Variants in GXYLT2 observed in about 807,000 individuals in gnomAD.
GXYLT2 encodes the protein glucoside xylosyltransferase 2.
Under a neutral mutation model 45.8 loss-of-function variants are expected in GXYLT2, and 53 were observed. The observed-to-expected ratio is 1.16, with a 90% CI of 0.93 to 1.46. The LOEUF (loss-of-function observed/expected upper bound fraction) is 1.46, where lower values mean the gene tolerates loss of function less well. Among genes scored for constraint, GXYLT2 ranks in the 40% most tolerant of loss-of-function variants. GXYLT2 has a pLI of 0.00. For missense variants in GXYLT2, 551 were observed against 544.4 expected (o/e 1.01, Z -0.12); for synonymous variants, 219 against 214.2 (o/e 1.02, Z -0.19).
At chr3:72,969,214 A>G (rs1337843819) in intron 6 of GXYLT2, among the ~76,000 whole-genome samples, 2 of 151,658 alleles carry the variant, frequency 1.3e-5, no homozygotes, top group Non-Finnish European at 2.9e-5. Flanking sequence ...GAAAACTACA[A>G]CATAGTAAGA....
At chr3:72,964,701 G>A (rs1474257654) in intron 5 of GXYLT2, among the ~76,000 whole-genome samples, 1 of 152,200 alleles carries the variant, frequency 6.6e-6, no homozygotes, top group Admixed American at 6.5e-5. Flanking sequence ...CTCCATGAAA[G>A]CAGGGACTGG....
At chr3:72,911,051 C>T (rs1000589821) in intron 2 of GXYLT2, among the ~76,000 whole-genome samples, 2 of 152,004 alleles carry the variant, frequency 1.3e-5, no homozygotes, top group East Asian at 1.9e-4. Flanking sequence ...CAGCACTTTG[C>T]GAAGCTGAGG....
chr3:72,892,889 T>A (rs753279729), intron 1 of GXYLT2, among the ~76,000 whole-genome samples: 1 of 152,140 alleles, frequency 6.6e-6, no homozygotes, highest in Non-Finnish European at 1.5e-5. Flanking sequence ...TCGATCACCC[T>A]CCACACCTAC....
chr3:72,970,492 A>G (rs1258921029), intron 6 of GXYLT2, among the ~76,000 whole-genome samples: 1 of 151,834 alleles, frequency 6.6e-6, no homozygotes, highest in Admixed American at 6.6e-5. Flanking sequence ...AAAACAAATT[A>G]AAAAAAAGAA....
intron 3 of GXYLT2, among the ~76,000 whole-genome samples, chr3:72,929,899 G>A (rs1709995365): frequency 6.6e-6 from 1 of 152,190 alleles, no homozygotes; most frequent in Non-Finnish European, 1.5e-5. Flanking sequence ...CGCTGCAGTG[G>A]CTCATGCCTG....
intron 6 of GXYLT2, among the ~76,000 whole-genome samples, chr3:72,973,968 T>C (rs1010893892): frequency 6.6e-6 from 1 of 152,324 alleles, no homozygotes; most frequent in South Asian, 2.1e-4. Flanking sequence ...GTGTAAGCAG[T>C]ATTTCTGATT....
intron 1 of GXYLT2, among the ~76,000 whole-genome samples, chr3:72,905,976 A>G (rs1709503680): frequency 6.6e-6 from 1 of 152,204 alleles, no homozygotes. Flanking sequence ...GAGGGTATTC[A>G]TATTTAAGAT....
intron 3 of GXYLT2, among the ~76,000 whole-genome samples, chr3:72,951,181 T>A (rs1359814237): frequency 6.7e-6 from 1 of 148,358 alleles, no homozygotes; most frequent in Middle Eastern, 3.5e-3. Flanking sequence ...TGCAATGTTA[T>A]CAAAAAGTGA....
chr3:72,970,401 G>A (rs943696595), intron 6 of GXYLT2, among the ~76,000 whole-genome samples: 1 of 151,266 alleles, frequency 6.6e-6, no homozygotes, highest in South Asian at 2.1e-4. Flanking sequence ...AGAAGCTCAC[G>A]CCTATAATCC....
At chr3:72,912,167 G>A (rs1477413042) in intron 2 of GXYLT2, among the ~76,000 whole-genome samples, 2 of 151,336 alleles carry the variant, frequency 1.3e-5, no homozygotes, top group Admixed American at 6.6e-5. Flanking sequence ...GCGCCACCAC[G>A]CCCGGCTAAT....
chr3:72,904,885 A>AT lies in GXYLT2; in HGVS notation c.276-3482_276-3481insT, dbSNP rs1343458462. ...CATCTCTACTAAAGATACAAAAAAA[A>AT]AAAAAAAAAAAAATTAACCAGGTGT... On this transcript the variant is annotated intron_variant, in intron 1 of 6. Transcript: ENST00000389617. Among the ~76,000 whole-genome samples, 46 of 53,846 alleles carry AT rather than the reference A, an allele frequency of 8.5e-4. 1 individual carries two copies. The East Asian group carries it at 0.015, about 18-fold the overall frequency. The allele number at this position is 53,846 out of a possible 152,430, so 35.3% of individuals were successfully genotyped here. A position where few individuals can be genotyped will look rare whatever the true frequency, so the allele number is the denominator to read the frequency against.
intron 1 of GXYLT2, among the ~76,000 whole-genome samples, chr3:72,905,306 C>T (rs889573417): frequency 4.0e-5 from 6 of 151,888 alleles, no homozygotes; most frequent in Non-Finnish European, 5.9e-5. Flanking sequence ...TTAGTAGAGA[C>T]GAGGTTTCAT....
At chr3:72,891,696 AC>A (rs1278964594) in intron 1 of GXYLT2, among the ~76,000 whole-genome samples, 1 of 152,248 alleles carries the variant, frequency 6.6e-6, no homozygotes, top group Non-Finnish European at 1.5e-5. Flanking sequence ...ATAGTAAAAG[AC>A]ACATATACAA....
Position 72,967,699 on chromosome 3 carries a change from C to T in GXYLT2, c.1129C>T (p.Leu377Phe), listed in dbSNP as rs1374212311. 1.9e-6 allele frequency: 3 copies of T among 1,613,682 alleles called. No homozygotes were observed. The highest frequency in any genetic ancestry group is 2.5e-6 in the Non-Finnish European group (3 of 1,179,758). The change falls in exon 6 of 7, where the codon CTC (leucine) becomes TTC (phenylalanine). Residue 377 changes from leucine to phenylalanine, a missense_variant. By Grantham distance (22) the Leu-to-Phe change is conservative (BLOSUM62 0). Transcript: ENST00000389617. Reference sequence around the variant, plus strand: ...CGATAAGCAACCAACGTTCAGAGCACTCTATGAAGCAATACGGGATGTAAG... The same window carrying T: ...CGATAAGCAACCAACGTTCAGAGCATTCTATGAAGCAATACGGGATGTAAG... ...HDDKQPTFRA[L>F]YEAIRDFPFQ... is the part of the protein sequence containing the mutation.
chr3:72,915,963 CTTG>C (rs2107092639), intron 2 of GXYLT2, among the ~76,000 whole-genome samples: 1 of 152,026 alleles, frequency 6.6e-6, no homozygotes, highest in East Asian at 1.9e-4. Context: ...CTGTGTGGTC[CTTG>C]TTGTCTTACC....
In GXYLT2 at chr3:72,888,309, C is replaced by CGCGCTGGCCGCGCTGAGCCCCCA; in HGVS notation, c.83_105dup (p.Pro36AlafsTer122). The CGCGCTGGCCGCGCTGAGCCCCCA allele has an allele frequency of 9.1e-6, 9 of 988,212 alleles. No individual in the cohort carries two copies. Among genetic ancestry groups the CGCGCTGGCCGCGCTGAGCCCCCA allele is most frequent in the Non-Finnish European group, 1.1e-5 (9 of 834,052 alleles). 61.2% of individuals were successfully genotyped at this position (988,212 alleles called of 1,614,324 possible). A position where few individuals can be genotyped will look rare whatever the true frequency, so the allele number is the denominator to read the frequency against. On this transcript the variant is annotated frameshift_variant, in exon 1 of 7. Coordinates refer to ENST00000389617, the MANE Select transcript of GXYLT2 (RefSeq NM_001080393.2). LOFTEE classifies it high-confidence loss of function. ...GCTGCTGCTGGCGCTGCTGTCCCTG[C>CGCGCTGGCCGCGCTGAGCCCCCA]GCGCTGGCCGCGCTGAGCCCCCAGC...
intron 1 of GXYLT2, among the ~76,000 whole-genome samples, chr3:72,894,613 G>C (rs949316884): frequency 6.6e-6 from 1 of 152,202 alleles, no homozygotes; most frequent in Non-Finnish European, 1.5e-5. Context: ...CCAACCTAGG[G>C]AATCCTGGAG....
At chr3:72,916,593 G>T (rs1369347225) in intron 2 of GXYLT2, among the ~76,000 whole-genome samples, 1 of 152,074 alleles carries the variant, frequency 6.6e-6, no homozygotes, top group Non-Finnish European at 1.5e-5. Context: ...AGGCTGGAGT[G>T]TAGTGGCGTG....
chr3:72,936,318 AAAAG>A (rs796995121), intron 3 of GXYLT2, among the ~76,000 whole-genome samples: 379 of 151,428 alleles, frequency 2.5e-3, no homozygotes, highest in African/African-American at 8.6e-3. Flanking sequence ...AAAAAAAAGA[AAAAG>A]AAGAGAAAAT....
Sources: allele counts gnomAD v4.1 joint callset (sites outside exome capture counted in the v4.1 genomes callset), GRCh38; gene constraint gnomAD v4.1.1; transcripts MANE v1.5; gene names NCBI Gene and HGNC (gene_info 2026-07-23, HGNC 2026-07-21).